MELK: variants seen among roughly 807,000 people sequenced by gnomAD.
The protein encoded by MELK is maternal embryonic leucine zipper kinase, also known as pEg3 kinase.
Under a neutral mutation model 85.0 loss-of-function variants are expected in MELK, and 81 were observed. The ratio of observed to expected loss-of-function variants is 0.95; its 90% confidence interval spans 0.80 to 1.15. MELK has a LOEUF of 1.15. Among genes scored for constraint, MELK ranks in the 50% most tolerant of loss-of-function variants. The pLI is 0.00. For synonymous variants in MELK, 252 were observed against 265.0 expected (o/e 0.95, Z 0.48); for missense variants, 754 against 777.5 (o/e 0.97, Z 0.36).
At chr9:36,595,140 T>C (rs1364027051) in intron 5 of MELK, among the ~76,000 whole-genome samples, 1 of 151,684 alleles carries the variant, frequency 6.6e-6, no homozygotes, top group African/African-American at 2.4e-5. Flanking sequence ...TTGGTCAGTC[T>C]GGTCATTTTT....
chr9:36,645,251 C>T lies in MELK; in HGVS notation c.921+2168C>T, dbSNP rs1225545185. ...CCAGCCTGGTGACAGAGTGAGACTC[C>T]GTCTCAAAAAAAAAAAAAAAAAAAG... On this transcript the variant is annotated intron_variant, in intron 11 of 17. Transcript: ENST00000298048. Among the ~76,000 whole-genome samples, 19 of 131,348 alleles carry T rather than the reference C, an allele frequency of 1.4e-4. No individual in the cohort carries two copies. The South Asian group carries it at 2.5e-3, about 17-fold the overall frequency. 86.2% of individuals were successfully genotyped at this position (131,348 alleles called of 152,430 possible).
Position 36,589,624 on chromosome 9 carries a change from C to T in MELK, c.233C>T (p.Thr78Ile), listed in dbSNP as rs115531852. The change falls in exon 4 of 18, where the codon ACA (threonine) becomes ATA (isoleucine). Residue 78 changes from threonine (T) to isoleucine (I), a missense_variant. Physicochemically the swap from Thr to Ile is moderately conservative, Grantham distance 89. Coordinates refer to ENST00000298048, the MANE Select transcript of MELK (RefSeq NM_014791.4). ...TGTCAACTCTACCATGTGCTAGAGACAGCCAACAAAATATTCATGGTTCTT... is the reference window on the plus strand; with the variant it reads ...TGTCAACTCTACCATGTGCTAGAGATAGCCAACAAAATATTCATGGTTCTT... ...HICQLYHVLETANKIFMVLEY... is the reference protein window; with the variant it reads ...HICQLYHVLEIANKIFMVLEY... 117 of 1,612,746 alleles carry T rather than the reference C, an allele frequency of 7.3e-5. 2 individuals carry two copies. The East Asian group carries it at 2.0e-3, about 28-fold the overall frequency.
intron 13 of MELK, among the ~76,000 whole-genome samples, chr9:36,661,001 A>G (rs1410960410): frequency 1.3e-5 from 2 of 152,280 alleles, no homozygotes; most frequent in African/African-American, 2.4e-5. Context: ...CAAATAAAAA[A>G]CAAACAAAGA....
chr9:36,609,353 T>A (rs911387756), intron 8 of MELK, among the ~76,000 whole-genome samples: 4 of 151,800 alleles, frequency 2.6e-5, no homozygotes, highest in African/African-American at 9.7e-5. Flanking sequence ...AAAGAAGACA[T>A]GTAAAGAGGA....
intron 6 of MELK, among the ~76,000 whole-genome samples, chr9:36,598,617 A>G (rs1260555762): frequency 1.3e-5 from 2 of 152,156 alleles, no homozygotes; most frequent in Non-Finnish European, 2.9e-5. Flanking sequence ...TAGAAAACAG[A>G]CTTTCAAGGC....
chr9:36,652,327 A>G (rs989605125), intron 12 of MELK, among the ~76,000 whole-genome samples: 8 of 151,222 alleles, frequency 5.3e-5, no homozygotes, highest in African/African-American at 1.9e-4. Context: ...GATTATAGGC[A>G]TGAGCCACCG....
intron 1 of MELK, among the ~76,000 whole-genome samples, chr9:36,577,577 C>A (rs1277677712): frequency 6.6e-6 from 1 of 152,074 alleles, no homozygotes; most frequent in East Asian, 1.9e-4. Flanking sequence ...AGTGATCCAC[C>A]CACCTCAGCC....
At chr9:36,598,388 C>CCTT (rs1306000298) in intron 6 of MELK, among the ~76,000 whole-genome samples, 1 of 152,116 alleles carries the variant, frequency 6.6e-6, no homozygotes, top group Admixed American at 6.6e-5. Context: ...ATTGCCTCAG[C>CCTT]CTTCTTCCAA....
intron 3 of MELK, among the ~76,000 whole-genome samples, chr9:36,589,172 A>G (rs1392397006): frequency 9.9e-5 from 15 of 151,252 alleles, no homozygotes; most frequent in Non-Finnish European, 1.9e-4. Flanking sequence ...TTTTTGAAAC[A>G]GAGTCTTGCT....
intron 1 of MELK, among the ~76,000 whole-genome samples, chr9:36,573,440 CA>C (rs1821292092): frequency 6.6e-6 from 1 of 152,132 alleles, no homozygotes; most frequent in Non-Finnish European, 1.5e-5. Flanking sequence ...TTTCAGAGTC[CA>C]AATCCATCCT....
At chr9:36,599,302 A>AAAAG in intron 6 of MELK, 92 bp from the exon 7 acceptor site, 1 of 93,986 alleles carries the variant, frequency 1.1e-5, no homozygotes, top group South Asian at 3.6e-4. Flanking sequence ...CTCCGTCTCA[A>AAAAG]AAAAAAAAAA....
At chr9:36,597,816 A>G (rs771410218) in intron 6 of MELK, among the ~76,000 whole-genome samples, 5 of 152,134 alleles carry the variant, frequency 3.3e-5, no homozygotes, top group Non-Finnish European at 4.4e-5. Context: ...TTCCATGGTT[A>G]TGTATTGGTG....
intron 10 of MELK, among the ~76,000 whole-genome samples, chr9:36,641,674 C>T (rs1032768288): frequency 1.4e-5 from 2 of 142,548 alleles, no homozygotes; most frequent in Non-Finnish European, 3.0e-5. Flanking sequence ...ATGGCTTGAT[C>T]TCAGCTCCCC....
intron 8 of MELK, among the ~76,000 whole-genome samples, chr9:36,614,449 A>AT (rs1334263578): frequency 3.2e-5 from 3 of 94,886 alleles, no homozygotes; most frequent in African/African-American, 8.0e-5. Context: ...TTTTTAATTT[A>AT]TTTTTTTATT....
chr9:36,650,681 T>A (rs1332560248), intron 11 of MELK, among the ~76,000 whole-genome samples: 2 of 152,230 alleles, frequency 1.3e-5, no homozygotes. Flanking sequence ...CACTGGAGGA[T>A]GTGTTCCACA....
intron 8 of MELK, among the ~76,000 whole-genome samples, chr9:36,621,302 AAAAAAAAAAAAAAAACTTGAGTAG>A (rs1827413440): frequency 7.8e-6 from 1 of 127,910 alleles, no homozygotes; most frequent in African/African-American, 3.3e-5. Context: ...AAAAAAAAAA[AAAAAAAAAAAAAAAACTTGAGTAG>A]AACAGAACCA....
At chr9:36,608,243 A>G (rs1027191526) in intron 8 of MELK, among the ~76,000 whole-genome samples, 3 of 132,178 alleles carry the variant, frequency 2.3e-5, no homozygotes, top group African/African-American at 8.9e-5. Flanking sequence ...ACGCCACTGC[A>G]CTCCAGCCTG....
intron 1 of MELK, among the ~76,000 whole-genome samples, chr9:36,573,696 G>T (rs759884977): frequency 5.3e-5 from 8 of 151,744 alleles, no homozygotes; most frequent in Non-Finnish European, 8.8e-5. Context: ...TAGTAGAGAC[G>T]GGGTTTCACC....
chr9:36,657,781 C>T (rs1211307132), intron 13 of MELK, among the ~76,000 whole-genome samples: 1 of 152,134 alleles, frequency 6.6e-6, no homozygotes, highest in Non-Finnish European at 1.5e-5. Context: ...GACAGGGTTT[C>T]ACCATGTTGG....
Sources: allele counts gnomAD v4.1 joint callset (sites outside exome capture counted in the v4.1 genomes callset), GRCh38; gene constraint gnomAD v4.1.1; transcripts MANE v1.5; gene names NCBI Gene and HGNC (gene_info 2026-07-23, HGNC 2026-07-21).